Variants in SLIT1 observed in about 807,000 individuals in gnomAD.
The protein encoded by SLIT1 is slit homolog 1 protein.
A neutral mutation model predicts 186.1 loss-of-function variants in SLIT1; 66 were observed. The observed-to-expected ratio is 0.35, with a 90% CI of 0.29 to 0.44. The LOEUF is 0.44. SLIT1 is among the 20% of genes least tolerant of loss of function. The pLI, the probability that SLIT1 is intolerant of heterozygous loss-of-function variation, is 1.00. For missense variants in SLIT1, 1,638 were observed against 2,037.4 expected, an observed-to-expected ratio of 0.80 and a Z score of 3.77; for synonymous variants, 761 against 833.8, an observed-to-expected ratio of 0.91 and a Z score of 1.50.
chr10:97,016,049 C>G (rs989676281), intron 28 of SLIT1, among the ~76,000 whole-genome samples: 1 of 152,182 alleles, frequency 6.6e-6, no homozygotes, highest in Non-Finnish European at 1.5e-5. Flanking sequence ...TGGCACATGC[C>G]TGTAATCCCA....
At chr10:97,162,146 G>A (rs944455834) in intron 3 of SLIT1, among the ~76,000 whole-genome samples, 5 of 152,150 alleles carry the variant, frequency 3.3e-5, no homozygotes, top group African/African-American at 1.2e-4. Flanking sequence ...TCTTCCTCCT[G>A]TATTCTATCC....
At chr10:97,020,661 C>G (rs929523746) in intron 26 of SLIT1, among the ~76,000 whole-genome samples, 12 of 152,276 alleles carry the variant, frequency 7.9e-5, no homozygotes, top group Admixed American at 2.0e-4. Context: ...GTGTCCTCCC[C>G]CCGCTGTACC....
chr10:97,011,737 T>C (rs1848412512), intron 30 of SLIT1, among the ~76,000 whole-genome samples: 1 of 152,152 alleles, frequency 6.6e-6, no homozygotes, highest in South Asian at 2.1e-4. Context: ...CCTGTAGCCC[T>C]TTCTAGTAAT....
intron 25 of SLIT1, among the ~76,000 whole-genome samples, chr10:97,027,892 G>A (rs1003477759): frequency 1.9e-4 from 29 of 152,242 alleles, no homozygotes; most frequent in African/African-American, 6.7e-4. Context: ...GTTGAACCCC[G>A]AGTACAAGAG....
At chr10:97,059,930 C>T (rs1273710736) in intron 10 of SLIT1, among the ~76,000 whole-genome samples, 157 bp downstream of exon 10, 2 of 152,226 alleles carry the variant, frequency 1.3e-5, no homozygotes, top group Non-Finnish European at 2.9e-5. Flanking sequence ...GTCCCCGCAT[C>T]ACAGCCAAGC....
At position 97,043,610 on chromosome 10, in the gene SLIT1, TCTC is replaced by T. The variant is rs530234793; in HGVS notation, c.1854-100_1854-98del. The T allele has an allele frequency of 2.4e-4, 288 of 1,190,080 alleles. 1 individual carries two copies. In the African/African-American group the frequency reaches 3.5e-3, roughly 15 times the overall value. The allele number at this position is 1,190,080 out of a possible 1,614,324, so 73.7% of individuals were successfully genotyped here. A position where few individuals can be genotyped will look rare whatever the true frequency, so the allele number is the denominator to read the frequency against. On this transcript the variant is annotated intron_variant, in intron 18 of 36. Coordinates refer to ENST00000266058, the MANE Select transcript of SLIT1 (RefSeq NM_003061.3). The surrounding 1 kb of genome is among the most constrained non-coding windows in gnomAD (Gnocchi z 7.0). Reference sequence around the variant, plus strand: ...TCCGCCATCGTGGCTCGTTCACAGTTCTCCTCCATAGGCTGCGAGCCGCAGAGC... The same window carrying T: ...TCCGCCATCGTGGCTCGTTCACAGTTCTCCATAGGCTGCGAGCCGCAGAGC...
At position 97,022,288 on chromosome 10, in the gene SLIT1, TTTTA is replaced by T. The variant is rs1443524782; in HGVS notation, c.2583-879_2583-876del. Among the ~76,000 whole-genome samples, 7 of 152,352 alleles carry T rather than the reference TTTTA, an allele frequency of 4.6e-5. No individual in the cohort carries two copies. The East Asian group carries it at 9.6e-4, about 21-fold the overall frequency. ...CTGTCTGCCTCCGAAGCCCATGCTC[TTTTA>T]TTTTTCTTTGCATTTTTAATTAAAC... On this transcript the variant is annotated intron_variant, in intron 25 of 36. Coordinates refer to ENST00000266058, the MANE Select transcript of SLIT1 (RefSeq NM_003061.3). This position sits in a 1 kb window ranked among gnomAD's most constrained non-coding sequence, Gnocchi z 4.2.
chr10:97,149,580 A>G (rs1197363243), intron 4 of SLIT1, among the ~76,000 whole-genome samples: 1 of 151,418 alleles, frequency 6.6e-6, no homozygotes, highest in Non-Finnish European at 1.5e-5. Flanking sequence ...AGGTTTGATG[A>G]TGCAGATTCT....
chr10:97,067,960 G>T (rs971654604), intron 4 of SLIT1, among the ~76,000 whole-genome samples: 6 of 152,124 alleles, frequency 3.9e-5, no homozygotes, highest in African/African-American at 1.4e-4. Context: ...GCCCTGTCTG[G>T]GTTTCCCTGG....
At chr10:97,137,800 G>T (rs760223074) in intron 4 of SLIT1, among the ~76,000 whole-genome samples, 4 of 152,112 alleles carry the variant, frequency 2.6e-5, no homozygotes, top group Non-Finnish European at 5.9e-5. Flanking sequence ...TGCCCAGGCT[G>T]GTTGCTTAAT....
intron 4 of SLIT1, among the ~76,000 whole-genome samples, chr10:97,132,924 T>A (rs1166136116): frequency 6.6e-6 from 1 of 152,044 alleles, no homozygotes. Flanking sequence ...AAGATGAACA[T>A]CTTTGGAGGG....
intron 12 of SLIT1, among the ~76,000 whole-genome samples, chr10:97,056,875 C>T (rs1185007787): frequency 6.6e-6 from 1 of 152,200 alleles, no homozygotes; most frequent in African/African-American, 2.4e-5. Flanking sequence ...CCTGAAAGTT[C>T]ATGGTTCAAG....
intron 18 of SLIT1, among the ~76,000 whole-genome samples, chr10:97,046,020 G>A (rs1240475995): frequency 6.6e-6 from 1 of 152,194 alleles, no homozygotes; most frequent in East Asian, 1.9e-4. Context: ...TGACTGGTCT[G>A]GACAGCGTAG....
intron 4 of SLIT1, among the ~76,000 whole-genome samples, chr10:97,138,636 T>C (rs918415092): frequency 8.4e-6 from 1 of 118,668 alleles, no homozygotes; most frequent in African/African-American, 3.1e-5. Flanking sequence ...GCAGTTGTGA[T>C]TTGTAGGAAA....
chr10:97,123,992 C>A (rs1394733929), intron 4 of SLIT1, among the ~76,000 whole-genome samples: 1 of 152,002 alleles, frequency 6.6e-6, no homozygotes, highest in Non-Finnish European at 1.5e-5. Context: ...GACAGTGTTG[C>A]CTGAATAAAC....
chr10:97,013,817 G>A lies in SLIT1; in HGVS notation c.3127C>T (p.Leu1043=). ...AGATCCGGAGAGCACAAGTCCACCA[G>A]CTGCTCACAGGCCTTTCCTGGGGAA... is the stretch of plus-strand genomic sequence containing the variant. ...LQYEGKACEQ[L]VDLCSPDLNP... is the part of the protein sequence containing the mutation. Residue 1043 remains leucine, a synonymous_variant, in exon 30 of 37, where the codon CTG becomes TTG. Coordinates refer to ENST00000266058, the MANE Select transcript of SLIT1 (RefSeq NM_003061.3). 1 of 1,551,648 alleles carries A rather than the reference G, an allele frequency of 6.4e-7. No individual in the cohort carries two copies.
chr10:97,013,887 C>A, intron 29 of SLIT1, 53 bp from the exon 30 acceptor site: 1 of 1,537,216 alleles, frequency 6.5e-7, no homozygotes, highest in Non-Finnish European at 8.8e-7. Flanking sequence ...CTGTGCTCTG[C>A]CGGGCAGCCA....
At position 97,006,489 on chromosome 10, in the gene SLIT1, C is replaced by T. The variant is rs77140199; in HGVS notation, c.3573G>A (p.Thr1191=). 1.6e-4 allele frequency: 260 copies of T among 1,612,524 alleles called. No individual in the cohort carries two copies. The East Asian group carries it at 4.6e-3, about 29-fold the overall frequency. ...CAAGCCCCCTGGCACGCACCTGCAA[C>T]GTGATGTTGGCCCGTGGCCAGTTTT... The part of the protein sequence containing the change: ...DLQNWPRANI[T]LQVSTAEDNG... The change falls in exon 32 of 37, where the codon ACG becomes ACA. Residue 1191 remains threonine (T), a synonymous_variant. Transcript: ENST00000266058. This position sits in a 1 kb window ranked among gnomAD's most constrained non-coding sequence, Gnocchi z 4.0.
At chr10:97,129,774 C>T (rs566451857) in intron 4 of SLIT1, among the ~76,000 whole-genome samples, 77 of 152,302 alleles carry the variant, frequency 5.1e-4, no homozygotes, top group African/African-American at 1.8e-3. Context: ...ACCTCACCAT[C>T]GGGTACCGGG....
Sources: gnomAD v4.1 joint callset for allele counts (sites outside exome capture counted in the v4.1 genomes callset) on GRCh38, gnomAD v4.1.1 for gene constraint, Gnocchi (gnomAD v3.1) non-coding constraint, MANE v1.5 for transcripts, NCBI Gene and HGNC (gene_info 2026-07-23, HGNC 2026-07-21) for gene names.